The following MTMR3 variants were observed in gnomAD, a reference collection of about 807,000 sequenced individuals.
MTMR3 encodes the protein phosphatidylinositol-3,5-bisphosphate 3-phosphatase MTMR3.
A neutral mutation model predicts 132.4 loss-of-function variants in MTMR3; 32 were observed. That is an observed-to-expected ratio of 0.24 (90% CI 0.18 to 0.32). MTMR3 has a LOEUF of 0.32. Among genes scored for constraint, MTMR3 ranks in the 10% least tolerant of loss-of-function variants. The probability of loss-of-function intolerance (pLI) is 1.00; values close to 1 mark genes in which losing one functional copy is unlikely to be tolerated. For synonymous variants in MTMR3, 556 were observed against 550.3 expected (o/e 1.01, Z -0.14); for missense variants, 1,216 against 1,489.6 (o/e 0.82, Z 3.02).
chr22:29,892,784 A>G (rs2064824654), intron 1 of MTMR3, among the ~76,000 whole-genome samples: 1 of 152,236 alleles, frequency 6.6e-6, no homozygotes, highest in African/African-American at 2.4e-5. Context: ...CTTTTTTGCC[A>G]GTTAAAAGAA....
chr22:29,897,550 T>G (rs2064925985), intron 1 of MTMR3, among the ~76,000 whole-genome samples: 1 of 152,038 alleles, frequency 6.6e-6, no homozygotes, highest in Non-Finnish European at 1.5e-5. Context: ...TCTCCCAGGT[T>G]CAAGTGATTC....
At chr22:29,966,251 A>G (rs2066412572) in intron 2 of MTMR3, among the ~76,000 whole-genome samples, 1 of 152,172 alleles carries the variant, frequency 6.6e-6, no homozygotes, top group South Asian at 2.1e-4. Flanking sequence ...CCACAGTAAC[A>G]TTGTCAATTA....
intron 1 of MTMR3, among the ~76,000 whole-genome samples, chr22:29,898,037 A>T (rs2064936609): frequency 6.6e-6 from 1 of 151,892 alleles, no homozygotes; most frequent in South Asian, 2.1e-4. Context: ...GTACAGAGGC[A>T]CAATCTTGGC....
At chr22:29,892,809 A>T (rs551657295) in intron 1 of MTMR3, among the ~76,000 whole-genome samples, 1 of 152,368 alleles carries the variant, frequency 6.6e-6, no homozygotes, top group South Asian at 2.1e-4. Flanking sequence ...GATAATTTAT[A>T]TTGAAGATGA....
intron 10 of MTMR3, 37 bp downstream of exon 10, chr22:30,007,356 T>A (rs1339271509): frequency 6.3e-7 from 1 of 1,594,742 alleles, no homozygotes; most frequent in South Asian, 1.1e-5. Context: ...ATGATTTTTA[T>A]AGCATCTAAG....
intron 2 of MTMR3, among the ~76,000 whole-genome samples, chr22:29,965,660 G>C (rs2066400713): frequency 1.3e-5 from 2 of 152,208 alleles, no homozygotes. Flanking sequence ...ACTCCAGCCT[G>C]AGCGATAGAG....
intron 1 of MTMR3, among the ~76,000 whole-genome samples, chr22:29,946,472 TC>T (rs1161705264): frequency 3.9e-5 from 6 of 152,192 alleles, no homozygotes; most frequent in African/African-American, 1.4e-4. Context: ...GAAGGACTGA[TC>T]CTGTTGCATG....
intron 1 of MTMR3, among the ~76,000 whole-genome samples, chr22:29,895,930 G>A (rs188860814): frequency 3.3e-5 from 5 of 152,258 alleles, no homozygotes; most frequent in African/African-American, 7.2e-5. Flanking sequence ...GTTCGTCGTC[G>A]TTACGTAGAA....
rs538212750 is a variant in MTMR3 at position 29,957,449 on chromosome 22, A to G, written c.-85+361A>G. On this transcript the variant is annotated intron_variant, in intron 2 of 19. Transcript: ENST00000401950. ...TATTTATTTATTTATTTATTTATTT[A>G]TTTATTTATTGATATATTTTTTGAG... Among the ~76,000 whole-genome samples the G allele has an allele frequency of 3.9e-4, 59 of 149,960 alleles. 1 individual carries two copies. The South Asian group carries it at 9.8e-3, about 25-fold the overall frequency.
intron 1 of MTMR3, among the ~76,000 whole-genome samples, chr22:29,917,609 G>GA (rs1262507080): frequency 1.3e-5 from 2 of 152,182 alleles, no homozygotes; most frequent in African/African-American, 4.8e-5. Flanking sequence ...CTTCTAATTT[G>GA]AGCCTTTATT....
intron 1 of MTMR3, among the ~76,000 whole-genome samples, chr22:29,947,699 T>G (rs1463028788): frequency 6.6e-6 from 1 of 152,182 alleles, no homozygotes; most frequent in African/African-American, 2.4e-5. Flanking sequence ...ACTTTTGCCT[T>G]CCTTAAGTAA....
At chr22:29,955,879 G>A (rs770974701) in intron 1 of MTMR3, among the ~76,000 whole-genome samples, 7 of 151,976 alleles carry the variant, frequency 4.6e-5, no homozygotes, top group Admixed American at 1.3e-4. Flanking sequence ...AGCCTCCTGA[G>A]TAGCTGGGAC....
Position 30,020,003 on chromosome 22 carries a change from C to T in MTMR3, c.2344C>T (p.Pro782Ser). Residue 782 changes from proline (P) to serine (S), a missense_variant, in exon 17 of 20, where the codon CCC becomes TCC. This residue lies in a region of MTMR3 where 852 missense variants were observed against 852.0 expected (regional missense o/e 1.00). Transcript: ENST00000401950. The part of the protein sequence containing the change: ...LSVLLSSLQV[P>S]PRGEDSLEVP... The stretch of plus-strand genomic sequence containing the variant: ...TGTTCTCCTCAGTTCTCTCCAGGTC[C>T]CCCCCAGGGGAGAGGATTCCCTGGA... The T allele has an allele frequency of 1.2e-6, 2 of 1,614,116 alleles. No homozygotes were observed. Among genetic ancestry groups the T allele is most frequent in the South Asian group, 1.1e-5 (1 of 91,080 alleles).
intron 1 of MTMR3, among the ~76,000 whole-genome samples, chr22:29,935,181 T>C (rs2065724067): frequency 6.6e-6 from 1 of 152,228 alleles, no homozygotes; most frequent in African/African-American, 2.4e-5. Context: ...CAGCTTGTAC[T>C]ATAGTATTTG....
At chr22:29,919,452 A>C (rs2065368710) in intron 1 of MTMR3, among the ~76,000 whole-genome samples, 1 of 152,344 alleles carries the variant, frequency 6.6e-6, no homozygotes, top group East Asian at 1.9e-4. Context: ...GTCGTAAAAC[A>C]GTGATAAATA....
At position 29,896,869 on chromosome 22, in the gene MTMR3, TCACA is replaced by T. The variant is rs61038012; in HGVS notation, c.-138+13541_-138+13544del. Among the ~76,000 whole-genome samples the T allele has an allele frequency of 6.2e-3, 862 of 138,218 alleles. 9 individuals are homozygous for T. Among genetic ancestry groups the T allele is most frequent in the African/African-American group, 0.018 (661 of 37,530 alleles). The allele number at this position is 138,218 out of a possible 152,430, so 90.7% of individuals were successfully genotyped here. A position where few individuals can be genotyped will look rare whatever the true frequency, so the allele number is the denominator to read the frequency against. On this transcript the variant is annotated intron_variant, in intron 1 of 19. Coordinates refer to ENST00000401950, the MANE Select transcript of MTMR3 (RefSeq NM_021090.4). ...TATAGTACAGAATAACAGGCTTGTC[TCACA>T]CACACACACACACACACACACACAC...
At chr22:29,941,067 A>G (rs1021312223) in intron 1 of MTMR3, among the ~76,000 whole-genome samples, 10 of 150,018 alleles carry the variant, frequency 6.7e-5, no homozygotes, top group Admixed American at 5.9e-4. Flanking sequence ...CACCGCTTCT[A>G]GTTAGTCTTT....
chr22:29,989,999 G>A (rs2066929411), intron 6 of MTMR3: 1 of 152,284 alleles, frequency 6.6e-6, no homozygotes, highest in Non-Finnish European at 1.5e-5. Context: ...GGCAGGCCGA[G>A]GTGGGGGTGG....
chr22:29,884,681 G>C (rs1434818500), intron 1 of MTMR3, among the ~76,000 whole-genome samples: 2 of 146,052 alleles, frequency 1.4e-5, no homozygotes, highest in Non-Finnish European at 3.0e-5. Flanking sequence ...TCCCACCTCA[G>C]CCTCCCAAGT....
Sources: gnomAD v4.1 joint callset for allele counts (sites outside exome capture counted in the v4.1 genomes callset) on GRCh38, gnomAD v4.1.1 for gene constraint, gnomAD v4.1.1 regional missense constraint, MANE v1.5 for transcripts, NCBI Gene and HGNC (gene_info 2026-07-23, HGNC 2026-07-21) for gene names.